Variants in SCMH1 observed in about 807,000 individuals in gnomAD.
The protein encoded by SCMH1 is polycomb protein SCMH1.
A neutral mutation model predicts 70.8 loss-of-function variants in SCMH1; 37 were observed. The observed-to-expected ratio is 0.52, with a 90% CI of 0.40 to 0.69. The LOEUF (loss-of-function observed/expected upper bound fraction) is 0.69, where lower values mean the gene tolerates loss of function less well. Ranked by LOEUF, SCMH1 falls within the 30% of genes least tolerant of loss-of-function variation. The pLI is 0.00. For synonymous variants in SCMH1, 292 were observed against 307.4 expected (o/e 0.95, Z 0.52); for missense variants, 607 against 827.3 (o/e 0.73, Z 3.27).
Position 41,207,034 on chromosome 1 carries a change from A to G in SCMH1, c.-117-20784T>C, listed in dbSNP as rs1010151889. 6.6e-5 allele frequency among the ~76,000 whole-genome samples: 10 copies of G among 152,240 alleles called. 1 individual carries two copies. Among genetic ancestry groups the G allele is most frequent in the African/African-American group, 1.9e-4 (8 of 41,462 alleles). On this transcript the variant is annotated intron_variant, in intron 1 of 14. Coordinates refer to ENST00000337495, the Ensembl canonical transcript of SCMH1. ...CAGGCCTGCCTTACAAGAGTTCCTGAAGAAAGCACTAAACATTGAAAGAAA... is the reference window on the plus strand; with the variant it reads ...CAGGCCTGCCTTACAAGAGTTCCTGGAGAAAGCACTAAACATTGAAAGAAA...
chr1:41,118,449 G>A (rs1054832413), intron 6 of SCMH1, among the ~76,000 whole-genome samples: 2 of 152,138 alleles, frequency 1.3e-5, no homozygotes, highest in East Asian at 1.9e-4. Context: ...CATGTCAACC[G>A]ATAAACCCAA....
intron 1 of SCMH1, among the ~76,000 whole-genome samples, chr1:41,191,578 G>C (rs528066729): frequency 3.0e-4 from 45 of 152,198 alleles, no homozygotes; most frequent in Non-Finnish European, 5.4e-4. Flanking sequence ...TATAAACATA[G>C]AACTACAGAT....
intron 2 of SCMH1, among the ~76,000 whole-genome samples, chr1:41,171,248 G>C (rs888857753): frequency 2.2e-4 from 34 of 152,304 alleles, no homozygotes; most frequent in African/African-American, 8.2e-4. Flanking sequence ...CTTCATGGAA[G>C]GGACAGCATT....
At chr1:41,181,172 C>T (rs1482563854) in intron 2 of SCMH1, among the ~76,000 whole-genome samples, 2 of 152,122 alleles carry the variant, frequency 1.3e-5, no homozygotes, top group South Asian at 2.1e-4. Flanking sequence ...TGGATCCCTT[C>T]CTTACACCTT....
chr1:41,030,352 T>TC (rs1644349917), intron 13 of SCMH1, among the ~76,000 whole-genome samples: 1 of 152,202 alleles, frequency 6.6e-6, no homozygotes, highest in Non-Finnish European at 1.5e-5. Flanking sequence ...TATGAGGTAC[T>TC]CCATCAGCTC....
intron 4 of SCMH1, chr1:41,159,584 G>T (rs1645852129): frequency 5.3e-6 from 5 of 937,558 alleles, no homozygotes; most frequent in Non-Finnish European, 1.5e-6. Flanking sequence ...AGTGGGAATA[G>T]GAATTTGAAC....
In SCMH1 at chr1:41,113,305, G is replaced by C; in HGVS notation, c.723C>G (p.Asn241Lys). Residue 241 changes from asparagine (N) to lysine (K), a missense_variant, in exon 8 of 15, where the codon AAC (asparagine) becomes AAG (lysine). Coordinates refer to ENST00000337495, the Ensembl canonical transcript of SCMH1. This position sits in a 1 kb window ranked among gnomAD's most constrained non-coding sequence, Gnocchi z 4.3. The stretch of plus-strand genomic sequence containing the variant: ...TACCTTTGGTGCCAGGAGGCTGCAG[G>C]TTGTCTCCAGTCAAGGAACACCAGC... The C allele has an allele frequency of 6.2e-7, 1 of 1,613,746 alleles. No individual in the cohort carries two copies. The highest frequency in any genetic ancestry group is 8.5e-7 in the Non-Finnish European group (1 of 1,179,872).
intron 11 of SCMH1, among the ~76,000 whole-genome samples, chr1:41,047,388 C>T (rs1005663053): frequency 4.1e-5 from 6 of 147,854 alleles, no homozygotes; most frequent in African/African-American, 9.9e-5. Flanking sequence ...AGGCACTTCC[C>T]AGTCTTTTTT....
intron 8 of SCMH1, among the ~76,000 whole-genome samples, chr1:41,097,907 C>T (rs1369663242): frequency 6.6e-6 from 1 of 152,158 alleles, no homozygotes; most frequent in Non-Finnish European, 1.5e-5. Flanking sequence ...TATTCTTTCA[C>T]CTTGTCTGAT....
chr1:41,198,476 CAGA>C (rs1653555736), intron 1 of SCMH1, among the ~76,000 whole-genome samples: 4 of 152,210 alleles, frequency 2.6e-5, no homozygotes, highest in African/African-American at 9.7e-5. Context: ...CAGTGCTTAG[CAGA>C]AGAAGTAACT....
chr1:41,185,392 G>A (rs1649901803), intron 2 of SCMH1, among the ~76,000 whole-genome samples: 1 of 152,134 alleles, frequency 6.6e-6, no homozygotes, highest in African/African-American at 2.4e-5. Context: ...TTGCCATGTT[G>A]CCCAGGCTGG....
At chr1:41,033,475 G>C (rs1410937530) in intron 13 of SCMH1, among the ~76,000 whole-genome samples, 1 of 152,158 alleles carries the variant, frequency 6.6e-6, no homozygotes, top group Admixed American at 6.5e-5. Context: ...CTTTAGTTCA[G>C]AGGGGAGGGG....
chr1:41,240,603 C>T lies in SCMH1; in HGVS notation c.-118+1456G>A, dbSNP rs186883548. ...TATTCTATTTGCCTGGCACATTACA[C>T]TTCAACAAAACATTTTGATGTACAT... On this transcript the variant is annotated intron_variant, in intron 1 of 14. Transcript: ENST00000337495. 7.9e-5 allele frequency among the ~76,000 whole-genome samples: 12 copies of T among 151,440 alleles called. No homozygotes were observed. In the East Asian group the frequency reaches 2.1e-3, roughly 27 times the overall value.
At chr1:41,118,015 CTT>C (rs1392975833) in intron 6 of SCMH1, among the ~76,000 whole-genome samples, 1 of 152,152 alleles carries the variant, frequency 6.6e-6, no homozygotes, top group Non-Finnish European at 1.5e-5. Context: ...TCTACACTCT[CTT>C]GTCTCCGCAC....
At chr1:41,209,390 A>G (rs1656440544) in intron 1 of SCMH1, among the ~76,000 whole-genome samples, 1 of 152,232 alleles carries the variant, frequency 6.6e-6, no homozygotes, top group Non-Finnish European at 1.5e-5. Context: ...TCCTGATACC[A>G]AAGCCTGGCA....
At chr1:41,069,326 A>G (rs1655690281) in intron 10 of SCMH1, among the ~76,000 whole-genome samples, 1 of 152,188 alleles carries the variant, frequency 6.6e-6, no homozygotes, top group African/African-American at 2.4e-5. Context: ...CATTAGAAAA[A>G]TAACTAAAAA....
Position 41,171,578 on chromosome 1 carries a change from C to T in SCMH1, c.14-10146G>A, listed in dbSNP as rs114904255. On this transcript the variant is annotated intron_variant, in intron 2 of 14. Transcript: ENST00000337495. Reference sequence around the variant, plus strand: ...TGCCAGCTAGGTGACAGTACTTTTACTGTCATCCAACAGCTGTATAATATA... The same window carrying T: ...TGCCAGCTAGGTGACAGTACTTTTATTGTCATCCAACAGCTGTATAATATA... Among the ~76,000 whole-genome samples, 488 of 151,792 alleles carry T rather than the reference C, an allele frequency of 3.2e-3. 3 individuals carry two copies. Among genetic ancestry groups the T allele is most frequent in the African/African-American group, 0.011 (458 of 41,398 alleles).
At chr1:41,153,994 T>C (rs902925927) in intron 4 of SCMH1, among the ~76,000 whole-genome samples, 1 of 152,224 alleles carries the variant, frequency 6.6e-6, no homozygotes, top group African/African-American at 2.4e-5. Flanking sequence ...GTCTATGTCA[T>C]AGCTACTCAG....
At chr1:41,036,766 T>C (rs1645357350) in intron 13 of SCMH1, among the ~76,000 whole-genome samples, 1 of 152,234 alleles carries the variant, frequency 6.6e-6, no homozygotes, top group African/African-American at 2.4e-5. Flanking sequence ...GTTCCTGGTA[T>C]AATCAGTGCT....
Sources: gnomAD v4.1 joint callset for allele counts (sites outside exome capture counted in the v4.1 genomes callset) on GRCh38, gnomAD v4.1.1 for gene constraint, Gnocchi (gnomAD v3.1) non-coding constraint, MANE v1.5 for transcripts, NCBI Gene and HGNC (gene_info 2026-07-23, HGNC 2026-07-21) for gene names.